The following PBX1 variants were observed in gnomAD, a reference collection of about 807,000 sequenced individuals.
PBX1 encodes the protein PBX homeobox 1, also known as pre-B-cell leukemia transcription factor 1.
Under a neutral mutation model 53.4 loss-of-function variants are expected in PBX1, and 6 were observed. The ratio of observed to expected loss-of-function variants is 0.11; its 90% CI spans 0.06 to 0.22. The LOEUF is 0.22. PBX1 is among the 10% of genes least tolerant of loss of function. PBX1 has a pLI of 1.00. For synonymous variants in PBX1, 204 were observed against 212.3 expected, an observed-to-expected ratio of 0.96 and a Z score of 0.34; for missense variants, 251 against 551.4, an observed-to-expected ratio of 0.46 and a Z score of 5.46.
chr1:164,860,239 A>G (rs1181382474), intron 2 of PBX1, among the ~76,000 whole-genome samples: 1 of 152,190 alleles, frequency 6.6e-6, no homozygotes. Context: ...ATAATTCCAA[A>G]CAATTCAATC....
At chr1:164,699,333 T>C (rs1408662304) in intron 2 of PBX1, among the ~76,000 whole-genome samples, 5 of 151,864 alleles carry the variant, frequency 3.3e-5, no homozygotes, top group Non-Finnish European at 7.4e-5. Context: ...CTTTCAAAAG[T>C]GATTTATTTT....
Position 164,846,694 on chromosome 1 carries a change from C to G in PBX1, c.*18C>G. 6.2e-7 allele frequency: 1 copy of G among 1,614,048 alleles called. No individual in the cohort carries two copies. Among genetic ancestry groups the G allele is most frequent in the East Asian group, 2.2e-5 (1 of 44,848 alleles). Reference sequence around the variant, plus strand: ...CCAACTGATCTCCCAGCAATCGCATCCCGGCTGACCCTGTGCCCCAGTTGG... The same window carrying G: ...CCAACTGATCTCCCAGCAATCGCATGCCGGCTGACCCTGTGCCCCAGTTGG... On this transcript the variant is annotated 3_prime_UTR_variant, in exon 9 of 9. Coordinates refer to ENST00000420696, the MANE Select transcript of PBX1 (RefSeq NM_002585.4).
intron 2 of PBX1, among the ~76,000 whole-genome samples, chr1:164,786,374 T>TCAGA (rs1214246107): frequency 2.0e-5 from 3 of 152,126 alleles, no homozygotes. Flanking sequence ...CCCTGGTGCC[T>TCAGA]CAGAGGCTTA....
downstream of PBX1, among the ~76,000 whole-genome samples, chr1:164,856,157 A>G (rs1276503429): frequency 6.6e-6 from 1 of 152,180 alleles, no homozygotes; most frequent in Non-Finnish European, 1.5e-5. Flanking sequence ...TTGTTGGTGC[A>G]GAGGGCAGGG....
At chr1:164,577,518 A>G (rs1162890316) in intron 2 of PBX1, among the ~76,000 whole-genome samples, 2 of 152,222 alleles carry the variant, frequency 1.3e-5, no homozygotes, top group Non-Finnish European at 2.9e-5. Flanking sequence ...AGGGGCTGTC[A>G]TCATACACAT....
intron 2 of PBX1, among the ~76,000 whole-genome samples, chr1:164,654,585 A>G (rs1660036182): frequency 6.6e-6 from 1 of 152,236 alleles, no homozygotes; most frequent in East Asian, 1.9e-4. Context: ...TTTTAAAACT[A>G]TCCCTGGTGA....
Position 164,566,892 on chromosome 1 carries a change from A to G in PBX1, c.265+3581A>G, listed in dbSNP as rs1032235703. On this transcript the variant is annotated intron_variant, in intron 2 of 8. Transcript: ENST00000420696. ...TTCCTCTGTGCATTGTCTGCATCAAAGTTAACGCAAATCAAATCTTTGGAG... is the reference window on the plus strand; with the variant it reads ...TTCCTCTGTGCATTGTCTGCATCAAGGTTAACGCAAATCAAATCTTTGGAG... Among the ~76,000 whole-genome samples the G allele has an allele frequency of 1.8e-4, 27 of 152,318 alleles. 1 individual carries two copies. Among genetic ancestry groups the G allele is most frequent in the Admixed American group, 6.5e-5 (1 of 15,300 alleles).
chr1:164,716,489 G>A (rs1383862421), intron 2 of PBX1, among the ~76,000 whole-genome samples: 2 of 152,104 alleles, frequency 1.3e-5, no homozygotes, highest in Non-Finnish European at 2.9e-5. Context: ...ATGGCAGTGC[G>A]GCCTTGAGAG....
chr1:164,733,571 A>C (rs1005910709), intron 2 of PBX1, among the ~76,000 whole-genome samples: 1 of 152,224 alleles, frequency 6.6e-6, no homozygotes, highest in African/African-American at 2.4e-5. Context: ...TTGATGGTAC[A>C]TAAAAGGAAT....
chr1:164,615,276 T>G (rs1378367239), intron 2 of PBX1, among the ~76,000 whole-genome samples: 1 of 152,224 alleles, frequency 6.6e-6, no homozygotes, highest in Non-Finnish European at 1.5e-5. Context: ...ACCCTGGTCT[T>G]GTTGACCAGT....
intron 2 of PBX1, among the ~76,000 whole-genome samples, chr1:164,678,039 A>G (rs980268405): frequency 6.6e-6 from 1 of 152,192 alleles, no homozygotes; most frequent in Non-Finnish European, 1.5e-5. Flanking sequence ...TTTTCAATTC[A>G]ACATGGTACC....
chr1:164,873,816 C>T (rs1477188633), intron 2 of PBX1, among the ~76,000 whole-genome samples: 1 of 152,132 alleles, frequency 6.6e-6, no homozygotes, highest in Admixed American at 6.5e-5. Flanking sequence ...TATAGACTTT[C>T]ATTTACATAT....
At chr1:164,875,117 A>G (rs1206083813) in intron 2 of PBX1, among the ~76,000 whole-genome samples, 2 of 152,232 alleles carry the variant, frequency 1.3e-5, no homozygotes, top group South Asian at 2.1e-4. Flanking sequence ...GCCTTACATG[A>G]CAGGGCTTAA....
chr1:164,847,787 T>C lies in PBX1; in HGVS notation c.*1111T>C. On this transcript the variant is annotated 3_prime_UTR_variant, in exon 9 of 9. Coordinates refer to ENST00000420696, the MANE Select transcript of PBX1 (RefSeq NM_002585.4). ...GTCACTGACACAGAGAAGCAGTATG[T>C]GTCTGGGGCTTCCAGGACCTGCAGG... 1 of 1,053,132 alleles carries C rather than the reference T, an allele frequency of 9.5e-7. No homozygotes were observed. Among genetic ancestry groups the C allele is most frequent in the African/African-American group, 1.7e-5 (1 of 60,460 alleles). The allele number at this position is 1,053,132 out of a possible 1,614,324, so 65.2% of individuals were successfully genotyped here.
At chr1:164,776,744 C>A (rs1558001292) in intron 2 of PBX1, among the ~76,000 whole-genome samples, 1 of 152,126 alleles carries the variant, frequency 6.6e-6, no homozygotes, top group Non-Finnish European at 1.5e-5. Flanking sequence ...GATTTCTTTT[C>A]TGTGCAATGA....
chr1:164,817,507 G>A (rs1669930349), intron 6 of PBX1: 1 of 152,216 alleles, frequency 6.6e-6, no homozygotes, highest in African/African-American at 2.4e-5. Context: ...TATTGTACAT[G>A]GGTGTACAGA....
At position 164,687,208 on chromosome 1, in the gene PBX1, AAG is replaced by A. The variant is rs1662157253; in HGVS notation, c.266-105285_266-105284del. Among the ~76,000 whole-genome samples the A allele has an allele frequency of 2.6e-5, 4 of 152,122 alleles. No homozygotes were observed. The South Asian group carries it at 8.3e-4, about 32-fold the overall frequency. ...CATAAGGAAGAGAGGCTGGAACAAA[AAG>A]GGGTTGGCATTTGGAGGTGGAGAGG... On this transcript the variant is annotated intron_variant, in intron 2 of 8. Coordinates refer to ENST00000420696, the MANE Select transcript of PBX1 (RefSeq NM_002585.4).
rs577869812 is a variant in PBX1 at position 164,751,004 on chromosome 1, A to G, written c.266-41490A>G. 7.4e-4 allele frequency among the ~76,000 whole-genome samples: 112 copies of G among 152,142 alleles called. 1 individual carries two copies. Among genetic ancestry groups the G allele is most frequent in the Non-Finnish European group, 1.1e-3 (76 of 68,036 alleles). ...AGGGAGACTATGAGGTCAAAAGTAT[A>G]TTGATAATGATTTTAAGATGGTATT... On this transcript the variant is annotated intron_variant, in intron 2 of 8. Coordinates refer to ENST00000420696, the MANE Select transcript of PBX1 (RefSeq NM_002585.4).
chr1:164,589,007 C>T (rs1158995485), intron 2 of PBX1, among the ~76,000 whole-genome samples: 1 of 152,166 alleles, frequency 6.6e-6, no homozygotes, highest in Non-Finnish European at 1.5e-5. Context: ...TCCCCAGCCC[C>T]CTCCCCGATG....
Sources: allele counts gnomAD v4.1 joint callset (sites outside exome capture counted in the v4.1 genomes callset), GRCh38; gene constraint gnomAD v4.1.1; transcripts MANE v1.5; gene names NCBI Gene and HGNC (gene_info 2026-07-23, HGNC 2026-07-21).